HUWE1: variants seen among roughly 807,000 people sequenced by gnomAD.
The protein encoded by HUWE1 is E3 ubiquitin-protein ligase HUWE1.
HUWE1 carries 18 observed loss-of-function variants against 299.4 expected under a neutral mutation model. The ratio of observed to expected loss-of-function variants is 0.06; its 90% CI spans 0.04 to 0.09. The LOEUF (loss-of-function observed/expected upper bound fraction) is 0.09. Ranked by LOEUF, HUWE1 falls within the 10% of genes least tolerant of loss-of-function variation. The pLI is 1.00. For missense variants in HUWE1, 1,832 were observed against 3,462.3 expected (o/e 0.53, Z 11.82); for synonymous variants, 1,317 against 1,286.1 (o/e 1.02, Z -0.51).
At chrX:53,542,697 C>T in intron 73 of HUWE1, 158 bp from the exon 74 acceptor site, 1 of 480,070 alleles carries the variant, frequency 2.1e-6, no homozygotes, top group East Asian at 3.7e-5. Context: ...CAAAAGGATG[C>T]CTTTCCCAAC....
chrX:53,671,046 C>G (rs1265429443), intron 3 of HUWE1, among the ~76,000 whole-genome samples: 2 of 111,545 alleles, frequency 1.8e-5, no homozygotes, highest in Admixed American at 1.9e-4. Flanking sequence ...TATTAAAAGC[C>G]TTACATTTTT....
intron 19 of HUWE1, among the ~76,000 whole-genome samples, chrX:53,621,970 A>T (rs1401152522): frequency 8.9e-6 from 1 of 112,305 alleles, no homozygotes; most frequent in African/African-American, 3.2e-5. Context: ...GAGAAAGAAG[A>T]GAGGGGAGTT....
chrX:53,676,802 A>C (rs910049109), intron 3 of HUWE1, among the ~76,000 whole-genome samples: 1 of 111,996 alleles, frequency 8.9e-6, no homozygotes, highest in Non-Finnish European at 1.9e-5. Flanking sequence ...GCATAGTTAT[A>C]TATACACTTA....
rs1177051040 is a variant in HUWE1, at chrX:53,534,501, C to A, written c.12831+15G>T. 5 of 1,196,398 alleles carry A rather than the reference C, an allele frequency of 4.2e-6. No homozygotes were observed. Among genetic ancestry groups the A allele is most frequent in the Non-Finnish European group, 5.6e-6 (5 of 885,362 alleles). On this transcript the variant is annotated intron_variant, in intron 82 of 83. Coordinates refer to ENST00000262854, the MANE Select transcript of HUWE1 (RefSeq NM_031407.7). ...TAAGAGGACCATATGAGGAGGGATG[C>A]CAGCAGCAGCTCACCTGAATAGAGT...
intron 3 of HUWE1, among the ~76,000 whole-genome samples, chrX:53,672,479 G>A (rs1742728012): frequency 1.8e-5 from 2 of 109,851 alleles, no homozygotes; most frequent in East Asian, 2.8e-4. Flanking sequence ...GGCTGGTCTC[G>A]AACTCCTGAC....
At chrX:53,589,352 C>T (rs2064029283) in intron 36 of HUWE1, among the ~76,000 whole-genome samples, 195 bp downstream of exon 36, 1 of 111,868 alleles carries the variant, frequency 8.9e-6, no homozygotes, top group African/African-American at 3.3e-5. Flanking sequence ...CTTTGTTTTT[C>T]CCTTCTAAAG....
intron 55 of HUWE1, among the ~76,000 whole-genome samples, chrX:53,561,365 A>G (rs1556940976): frequency 8.9e-6 from 1 of 112,710 alleles, no homozygotes; most frequent in African/African-American, 3.2e-5. Flanking sequence ...CCCAAAGCCA[A>G]GCTCAAAGGT....
intron 43 of HUWE1, among the ~76,000 whole-genome samples, chrX:53,579,267 C>G (rs1307335555): frequency 2.3e-5 from 2 of 85,564 alleles, no homozygotes; most frequent in Admixed American, 2.3e-4. Flanking sequence ...CCGGCCGCCC[C>G]TACTGGGAAG....
chrX:53,534,225 G>A (rs1331979425), intron 82 of HUWE1, 28 bp from the exon 83 acceptor site: 10 of 1,165,220 alleles, frequency 8.6e-6, no homozygotes, highest in Non-Finnish European at 1.2e-5. Flanking sequence ...TGAAGCCAGT[G>A]TTAGGTAGAA....
rs2062307888 is a variant in HUWE1, at chrX:53,561,803, C to T, written c.7460G>A (p.Arg2487Gln). ...AAACTCAATGATGAGATCATCCTCC[C>T]GGTCAAAGCGCTCAAATCGGACCAA... The part of the protein sequence containing the change: ...SPLVRFERFD[R>Q]EDDLIIEFDN... The change falls in exon 55 of 84, where the codon CGG (arginine) becomes CAG (glutamine). Residue 2487 changes from arginine to glutamine, a missense_variant. Physicochemically the swap from Arg to Gln is conservative, Grantham distance 43. This residue lies in a region of HUWE1 where 170 missense variants were observed against 335.8 expected (regional missense o/e 0.51). Transcript: ENST00000262854. 3.3e-6 allele frequency: 4 copies of T among 1,211,124 alleles called. No individual in the cohort carries two copies. Among genetic ancestry groups the T allele is most frequent in the Non-Finnish European group, 4.5e-6 (4 of 895,171 alleles).
chrX:53,676,250 T>G (rs969598197), intron 3 of HUWE1, among the ~76,000 whole-genome samples: 2 of 98,246 alleles, frequency 2.0e-5, no homozygotes, highest in Admixed American at 2.3e-4. Context: ...CCTTACATTT[T>G]CTCTTTAATT....
chrX:53,533,045 G>C lies in HUWE1; in HGVS notation c.*264C>G. 2.6e-6 allele frequency: 1 copy of C among 385,944 alleles called. No homozygotes were observed. Among genetic ancestry groups the C allele is most frequent in the East Asian group, 4.5e-5 (1 of 22,297 alleles). The allele number at this position is 385,944 out of a possible 1,213,427, so 31.8% of individuals were successfully genotyped here. A position where few individuals can be genotyped will look rare whatever the true frequency, so the allele number is the denominator to read the frequency against. The stretch of plus-strand genomic sequence containing the variant: ...GTTGGGACAGACAGGTCCCTGCAAA[G>C]GCTACTGCCTTTTTAAAACACATGG... On this transcript the variant is annotated 3_prime_UTR_variant, in exon 84 of 84. Coordinates refer to ENST00000262854, the MANE Select transcript of HUWE1 (RefSeq NM_031407.7).
chrX:53,639,628 T>A (rs1557029129), intron 7 of HUWE1, among the ~76,000 whole-genome samples: 1 of 112,014 alleles, frequency 8.9e-6, no homozygotes, highest in East Asian at 2.8e-4. Flanking sequence ...TAGAGAAGAA[T>A]ACATTTGAGG....
intron 19 of HUWE1, among the ~76,000 whole-genome samples, chrX:53,623,049 T>C (rs914038603): frequency 8.9e-6 from 1 of 111,776 alleles, no homozygotes; most frequent in Non-Finnish European, 1.9e-5. Flanking sequence ...GGGAAGGAAG[T>C]TGGACCTTCA....
At chrX:53,652,094 C>T (rs2068509863) in intron 4 of HUWE1, among the ~76,000 whole-genome samples, 1 of 111,919 alleles carries the variant, frequency 8.9e-6, no homozygotes, top group Admixed American at 9.5e-5. Context: ...AAGGTGCTCC[C>T]TATCAAGGAA....
At chrX:53,594,704 G>C in intron 30 of HUWE1, 83 bp from the exon 31 acceptor site, 1 of 1,017,252 alleles carries the variant, frequency 9.8e-7, no homozygotes, top group South Asian at 2.0e-5. Context: ...AAAGGCAAGA[G>C]TAAAATTTAC....
At chrX:53,618,452 T>C (rs189392640) in intron 19 of HUWE1, among the ~76,000 whole-genome samples, 6 of 110,977 alleles carry the variant, frequency 5.4e-5, no homozygotes, top group African/African-American at 2.0e-4. Flanking sequence ...TACAGAAAAA[T>C]ATATTCTACA....
chrX:53,572,264 T>C (rs1446492737), intron 47 of HUWE1, among the ~76,000 whole-genome samples: 3 of 111,395 alleles, frequency 2.7e-5, no homozygotes, highest in African/African-American at 9.8e-5. Flanking sequence ...CTCAAGATAA[T>C]GGTTATCTTG....
intron 77 of HUWE1, 122 bp from the exon 78 acceptor site, chrX:53,537,818 C>T: frequency 2.7e-6 from 2 of 736,637 alleles, no homozygotes; most frequent in Non-Finnish European, 3.9e-6. Context: ...GATCTCTGCT[C>T]CACACCTGTT....
Sources: gnomAD v4.1 joint callset for allele counts (sites outside exome capture counted in the v4.1 genomes callset) on GRCh38, gnomAD v4.1.1 for gene constraint, gnomAD v4.1.1 regional missense constraint, MANE v1.5 for transcripts, NCBI Gene and HGNC (gene_info 2026-07-23, HGNC 2026-07-21) for gene names.